Variants in TTK observed in about 807,000 individuals in gnomAD.
TTK encodes dual specificity protein kinase TTK.
TTK carries 59 observed loss-of-function variants against 117.3 expected under a neutral mutation model. The ratio of observed to expected loss-of-function variants is 0.50; its 90% CI spans 0.41 to 0.62. TTK has a LOEUF of 0.62. TTK is among the 20% of genes least tolerant of loss of function. The pLI is 0.00. For missense variants in TTK, 921 were observed against 989.4 expected, an observed-to-expected ratio of 0.93 and a Z score of 0.93; for synonymous variants, 302 against 325.0, an observed-to-expected ratio of 0.93 and a Z score of 0.76.
chr6:80,018,755 T>C (rs1767382332), intron 10 of TTK, among the ~76,000 whole-genome samples: 1 of 152,192 alleles, frequency 6.6e-6, no homozygotes, highest in Non-Finnish European at 1.5e-5. Flanking sequence ...TAGGTGCCAT[T>C]CTTGTCTCAT....
intron 2 of TTK, among the ~76,000 whole-genome samples, chr6:80,007,283 G>A (rs1042783183): frequency 2.0e-5 from 3 of 152,080 alleles, no homozygotes; most frequent in Non-Finnish European, 4.4e-5. Context: ...TTTATTTTTT[G>A]TAAAGCTGGT....
chr6:80,028,078 T>C, intron 13 of TTK, 67 bp downstream of exon 13: 5 of 1,443,016 alleles, frequency 3.5e-6, no homozygotes, highest in Non-Finnish European at 4.6e-6. Flanking sequence ...TTTATTTTTA[T>C]AGCATCTAGT....
rs779307641 is a variant in TTK at position 80,042,195 on chromosome 6, A to G, written c.2567A>G (p.Lys856Arg). ...SSKTFEKKRG[K>R]K Reference sequence around the variant, plus strand: ...AAGACTTTTGAAAAAAAAAGGGGAAAAAAATGATTTGCAGTTATTCGTAAT... The same window carrying G: ...AAGACTTTTGAAAAAAAAAGGGGAAGAAAATGATTTGCAGTTATTCGTAAT... Residue 856 changes from lysine (K) to arginine (R), a missense_variant, in exon 22 of 22, where the codon AAA (lysine) becomes AGA (arginine). By Grantham distance (26) the Lys-to-Arg change is conservative. Transcript: ENST00000369798. The G allele has an allele frequency of 4.4e-6, 7 of 1,598,992 alleles. No homozygotes were observed. Among genetic ancestry groups the G allele is most frequent in the Non-Finnish European group, 6.0e-6 (7 of 1,170,152 alleles).
chr6:80,026,359 GTTCT>G lies in TTK; in HGVS notation c.1258-16_1258-13del, dbSNP rs756921272. ...ACTAATTTAAAAACTAAATCATGGT[GTTCT>G]TTATTTTGTTTTAGCAGAAACATAC... On this transcript the variant is annotated splice_polypyrimidine_tract_variant and intron_variant, in intron 11 of 21. Transcript: ENST00000369798. The G allele has an allele frequency of 8.1e-6, 13 of 1,600,640 alleles. No homozygotes were observed. The Admixed American group carries it at 1.8e-4, about 22-fold the overall frequency.
intron 12 of TTK, 102 bp from the exon 13 acceptor site, chr6:80,027,783 G>A: frequency 1.0e-5 from 9 of 861,398 alleles, no homozygotes; most frequent in Non-Finnish European, 1.3e-5. Context: ...TCTGTTTGAT[G>A]TAACACTTTT....
chr6:80,008,177 A>C, intron 3 of TTK, 146 bp downstream of exon 3: 1 of 1,062,064 alleles, frequency 9.4e-7, no homozygotes. Flanking sequence ...ACAAGAGACT[A>C]ATGTAAACTC....
At chr6:80,027,765 ACTTGGGTT>A (rs1767643753) in intron 12 of TTK, 112 bp from the exon 13 acceptor site, 1 of 655,670 alleles carries the variant, frequency 1.5e-6, no homozygotes, top group Admixed American at 3.8e-5. Flanking sequence ...ATGAAAACTA[ACTTGGGTT>A]CTGTTTGATG....
At chr6:80,020,101 A>G (rs1767419714) in intron 10 of TTK, among the ~76,000 whole-genome samples, 1 of 152,182 alleles carries the variant, frequency 6.6e-6, no homozygotes, top group Non-Finnish European at 1.5e-5. Context: ...CAAAGATCCA[A>G]TAGCTTTTAC....
Position 80,010,809 on chromosome 6 carries a change from G to A in TTK, c.470-5G>A. ...AAAAATGACAATTATCTTTTGCTTT[G>A]TTAGGTAATGTCAAAAAAAGTAAAC... On this transcript the variant is annotated splice_polypyrimidine_tract_variant and splice_region_variant and intron_variant, in intron 4 of 21. Transcript: ENST00000369798. The A allele has an allele frequency of 6.2e-7, 1 of 1,603,672 alleles. No individual in the cohort carries two copies. The highest frequency in any genetic ancestry group is 8.5e-7 in the Non-Finnish European group (1 of 1,173,654).
intron 16 of TTK, among the ~76,000 whole-genome samples, chr6:80,036,107 G>A (rs1226296412): frequency 6.6e-6 from 1 of 151,974 alleles, no homozygotes; most frequent in African/African-American, 2.4e-5. Context: ...GAATCACAGT[G>A]GTTAAGAGGA....
At chr6:80,040,555 G>T in intron 20 of TTK, 51 bp from the exon 21 acceptor site, 1 of 1,498,152 alleles carries the variant, frequency 6.7e-7, no homozygotes, top group Non-Finnish European at 9.2e-7. Context: ...TATTTACAAT[G>T]GACTTATATT....
chr6:80,035,284 C>T lies in TTK; in HGVS notation c.1791C>T (p.Tyr597=), dbSNP rs1216305576. ...ATTGCAGTGAAATCACGGACCAGTA[C>T]ATCTACATGGTAATGGAGTGTGGAA... ...RLYDYEITDQ[Y]IYMVMECGNI... The change falls in exon 16 of 22, where the codon TAC becomes TAT. Residue 597 remains tyrosine, a synonymous_variant. Coordinates refer to ENST00000369798, the MANE Select transcript of TTK (RefSeq NM_003318.5). 6.2e-7 allele frequency: 1 copy of T among 1,603,164 alleles called. No homozygotes were observed. The highest frequency in any genetic ancestry group is 2.2e-5 in the East Asian group (1 of 44,634).
chr6:80,014,026 G>A (rs879511995), intron 9 of TTK, among the ~76,000 whole-genome samples: 2 of 152,032 alleles, frequency 1.3e-5, no homozygotes, highest in Non-Finnish European at 2.9e-5. Context: ...GCATAATTGT[G>A]TCAAAAAGAT....
chr6:80,019,596 A>G (rs1767403579), intron 10 of TTK, among the ~76,000 whole-genome samples: 1 of 152,210 alleles, frequency 6.6e-6, no homozygotes, highest in African/African-American at 2.4e-5. Context: ...CATTATTTGA[A>G]GTTGTTTCCC....
intron 2 of TTK, 186 bp downstream of exon 2, chr6:80,006,168 G>A (rs1331603971): frequency 1.4e-6 from 1 of 697,584 alleles, no homozygotes; most frequent in South Asian, 1.5e-5. Flanking sequence ...AATGGTGTCT[G>A]GCACATGGTA....
At chr6:80,040,476 T>C (rs2127685292) in intron 20 of TTK, 130 bp from the exon 21 acceptor site, 1 of 901,764 alleles carries the variant, frequency 1.1e-6, no homozygotes, top group South Asian at 2.2e-5. Context: ...TTTTTACTTA[T>C]TCCAGATAAC....
At chr6:80,022,501 CT>C (rs1767488063) in intron 11 of TTK, 29 bp downstream of exon 11, 2 of 1,600,984 alleles carry the variant, frequency 1.2e-6, no homozygotes, top group South Asian at 1.1e-5. Flanking sequence ...TACAATATTG[CT>C]TTTTTGTTCA....
At chr6:80,037,940 T>A (rs1767949843) in intron 17 of TTK, 27 bp from the exon 18 acceptor site, 4 of 1,436,274 alleles carry the variant, frequency 2.8e-6, no homozygotes, top group Admixed American at 2.3e-5. Context: ...TTTCATTGAT[T>A]TGTGTTTTCT....
intron 2 of TTK, 178 bp downstream of exon 2, chr6:80,006,160 T>C (rs1044654761): frequency 1.7e-5 from 13 of 746,642 alleles, no homozygotes; most frequent in Admixed American, 4.3e-5. Flanking sequence ...GAACTTTGAA[T>C]GGTGTCTGGC....
Sources: gnomAD v4.1 joint callset for allele counts (sites outside exome capture counted in the v4.1 genomes callset) on GRCh38, gnomAD v4.1.1 for gene constraint, MANE v1.5 for transcripts, NCBI Gene and HGNC (gene_info 2026-07-23, HGNC 2026-07-21) for gene names.